The following DLGAP2 variants were observed in gnomAD, a reference collection of about 807,000 sequenced individuals.
DLGAP2 encodes the protein DLG associated protein 2, also known as disks large-associated protein 2.
Under a neutral mutation model 100.3 loss-of-function variants are expected in DLGAP2, and 26 were observed. The observed-to-expected ratio is 0.26, with a 90% confidence interval of 0.19 to 0.36. DLGAP2 has a LOEUF of 0.36. Among genes scored for constraint, DLGAP2 ranks in the 10% least tolerant of loss-of-function variants. DLGAP2 has a pLI of 1.00. For synonymous variants in DLGAP2, 886 were observed against 630.1 expected, an observed-to-expected ratio of 1.41 and a Z score of -6.08; for missense variants, 1,858 against 1,453.2, an observed-to-expected ratio of 1.28 and a Z score of -4.53.
At chr8:1,180,761 A>G (rs1797368165) in intron 2 of DLGAP2, among the ~76,000 whole-genome samples, 1 of 150,984 alleles carries the variant, frequency 6.6e-6, no homozygotes, top group African/African-American at 2.4e-5. Flanking sequence ...GTGCCAGGGC[A>G]GTACAGTTAC....
chr8:956,243 T>C (rs1022760629), intron 2 of DLGAP2, among the ~76,000 whole-genome samples: 6 of 152,250 alleles, frequency 3.9e-5, no homozygotes, highest in African/African-American at 1.2e-4. Flanking sequence ...TTTTCCACTG[T>C]GCACAGCGTC....
At chr8:1,465,585 C>G (rs527767679) in intron 3 of DLGAP2, among the ~76,000 whole-genome samples, 1 of 152,306 alleles carries the variant, frequency 6.6e-6, no homozygotes, top group Admixed American at 6.5e-5. Flanking sequence ...GCACCACCCT[C>G]CAGGAACCTC....
intron 2 of DLGAP2, among the ~76,000 whole-genome samples, chr8:1,064,609 G>C (rs1387749557): frequency 6.6e-6 from 1 of 152,104 alleles, no homozygotes; most frequent in Non-Finnish European, 1.5e-5. Flanking sequence ...TAATTTGATG[G>C]CTTTCTTTTT....
At chr8:1,201,788 A>T (rs1797879635) in intron 2 of DLGAP2, among the ~76,000 whole-genome samples, 1 of 152,212 alleles carries the variant, frequency 6.6e-6, no homozygotes, top group Non-Finnish European at 1.5e-5. Flanking sequence ...ATCCGCAGAC[A>T]CACAGCGGTG....
rs79391994 is a variant in DLGAP2 at position 1,191,622 on chromosome 8, C to G, written c.74-67229C>G. ...GACAGGCAGCCACAACGCGCCGTAT[C>G]TGGGTCCGTTCTCTGTTGCAATGAG... On this transcript the variant is annotated intron_variant, in intron 2 of 14. Coordinates refer to ENST00000637795, the MANE Select transcript of DLGAP2 (RefSeq NM_001346810.2). Among the ~76,000 whole-genome samples, 1,019 of 151,620 alleles carry G rather than the reference C, an allele frequency of 6.7e-3. 9 individuals are homozygous for G. The highest frequency in any genetic ancestry group is 0.024 in the African/African-American group (977 of 41,546).
chr8:1,253,761 C>G (rs544563233), intron 2 of DLGAP2, among the ~76,000 whole-genome samples: 3 of 152,312 alleles, frequency 2.0e-5, no homozygotes, highest in African/African-American at 7.2e-5. Flanking sequence ...TGAGACTCTG[C>G]ACTAATGATG....
At chr8:1,100,912 A>G (rs1458393123) in intron 2 of DLGAP2, among the ~76,000 whole-genome samples, 1 of 152,352 alleles carries the variant, frequency 6.6e-6, no homozygotes, top group African/African-American at 2.4e-5. Context: ...CAAGTGCTTT[A>G]TAGCTGTTCC....
intron 2 of DLGAP2, among the ~76,000 whole-genome samples, chr8:1,074,016 A>G (rs13271832): frequency 3.9e-4 from 47 of 119,038 alleles, no homozygotes; most frequent in African/African-American, 5.5e-4. Context: ...AGCAGACTGA[A>G]GCTGAACTCA....
chr8:1,431,306 C>T (rs1434851020), intron 3 of DLGAP2, among the ~76,000 whole-genome samples: 7 of 152,198 alleles, frequency 4.6e-5, no homozygotes, highest in African/African-American at 1.7e-4. Context: ...CTAAAACTCA[C>T]TAAATTTAAT....
chr8:1,162,470 C>T (rs1796911528), intron 2 of DLGAP2, among the ~76,000 whole-genome samples: 1 of 152,180 alleles, frequency 6.6e-6, no homozygotes, highest in Non-Finnish European at 1.5e-5. Flanking sequence ...ATATGCAACT[C>T]ACTGCTAGCA....
intron 3 of DLGAP2, among the ~76,000 whole-genome samples, chr8:1,413,892 G>A (rs1259338153): frequency 1.3e-5 from 2 of 152,116 alleles, no homozygotes; most frequent in African/African-American, 2.4e-5. Flanking sequence ...CTTATTAAAT[G>A]GTGAATTCTT....
At chr8:1,508,116 G>A (rs1036334967) in intron 4 of DLGAP2, among the ~76,000 whole-genome samples, 1 of 151,874 alleles carries the variant, frequency 6.6e-6, no homozygotes, top group African/African-American at 2.4e-5. Flanking sequence ...AAACACATCA[G>A]ATACCTTTAA....
chr8:1,677,679 A>T (rs1357866079), intron 11 of DLGAP2, among the ~76,000 whole-genome samples: 1 of 152,252 alleles, frequency 6.6e-6, no homozygotes, highest in Non-Finnish European at 1.5e-5. Flanking sequence ...ATTAAAATAT[A>T]GACAGTGAAA....
intron 3 of DLGAP2, among the ~76,000 whole-genome samples, chr8:1,485,274 G>A (rs562243317): frequency 6.6e-6 from 1 of 152,224 alleles, no homozygotes; most frequent in South Asian, 2.1e-4. Context: ...CCCACTCTAC[G>A]CTGTAAAATG....
chr8:1,554,155 A>G (rs3793410), intron 5 of DLGAP2, among the ~76,000 whole-genome samples: 49,965 of 152,044 alleles, frequency 0.33, 9,837 homozygotes, highest in East Asian at 0.52. Flanking sequence ...AGGCCTGGTG[A>G]CAAGTGCCTG....
At chr8:1,366,848 G>T (rs1031274600) in intron 3 of DLGAP2, among the ~76,000 whole-genome samples, 7 of 152,180 alleles carry the variant, frequency 4.6e-5, no homozygotes, top group Non-Finnish European at 1.0e-4. Context: ...ACTGAGAGAT[G>T]CAAGAAATGC....
chr8:1,123,042 T>C (rs1291742950), intron 2 of DLGAP2, among the ~76,000 whole-genome samples: 2 of 152,166 alleles, frequency 1.3e-5, no homozygotes, highest in African/African-American at 4.8e-5. Context: ...ACAAACTGGG[T>C]TGGGGGCACT....
At chr8:1,271,291 A>T (rs1043873101) in intron 3 of DLGAP2, among the ~76,000 whole-genome samples, 3 of 152,190 alleles carry the variant, frequency 2.0e-5, no homozygotes, top group African/African-American at 7.2e-5. Flanking sequence ...ACTTCATGGC[A>T]TCTGGACTCC....
intron 1 of DLGAP2, chr8:753,677 A>G (rs754330148): frequency 6.6e-6 from 1 of 152,216 alleles, no homozygotes; most frequent in Non-Finnish European, 1.5e-5. Flanking sequence ...TTTATTCATC[A>G]TTCGAATGCT....
Sources: allele counts gnomAD v4.1 joint callset (sites outside exome capture counted in the v4.1 genomes callset), GRCh38; gene constraint gnomAD v4.1.1; transcripts MANE v1.5; gene names NCBI Gene and HGNC (gene_info 2026-07-23, HGNC 2026-07-21).